Variants in MAD1L1 observed in about 807,000 individuals in gnomAD.
MAD1L1 encodes the protein mitotic spindle assembly checkpoint protein MAD1.
MAD1L1 carries 95 observed loss-of-function variants against 96.9 expected under a neutral mutation model. The observed-to-expected ratio is 0.98, with a 90% CI of 0.83 to 1.16. The LOEUF (loss-of-function observed/expected upper bound fraction) is 1.16, where lower values mean the gene tolerates loss of function less well. Among genes scored for constraint, MAD1L1 ranks in the 50% most tolerant of loss-of-function variants. MAD1L1 has a pLI of 0.00. For synonymous variants in MAD1L1, 473 were observed against 396.6 expected, an observed-to-expected ratio of 1.19 and a Z score of -2.29; for missense variants, 1,007 against 954.4, an observed-to-expected ratio of 1.06 and a Z score of -0.73.
At chr7:1,917,808 G>A (rs542304741) in intron 17 of MAD1L1, among the ~76,000 whole-genome samples, 1 of 152,332 alleles carries the variant, frequency 6.6e-6, no homozygotes, top group African/African-American at 2.4e-5. Flanking sequence ...GCCAGACACA[G>A]CAGGAAGGGT....
chr7:2,197,620 C>T (rs893604797), intron 10 of MAD1L1, among the ~76,000 whole-genome samples: 1 of 152,212 alleles, frequency 6.6e-6, no homozygotes, highest in Non-Finnish European at 1.5e-5. Context: ...CGGTGAGGCA[C>T]TGGCCCTCAG....
intron 18 of MAD1L1, among the ~76,000 whole-genome samples, chr7:1,876,773 C>T (rs1785406521): frequency 6.6e-6 from 1 of 150,488 alleles, no homozygotes; most frequent in Non-Finnish European, 1.5e-5. Context: ...CTCCTACCCC[C>T]AGAAGGTGAT....
At chr7:2,026,044 C>A (rs563427263) in intron 12 of MAD1L1, among the ~76,000 whole-genome samples, 19 of 151,942 alleles carry the variant, frequency 1.3e-4, no homozygotes, top group East Asian at 1.9e-4. Context: ...ATGATTTTTA[C>A]GCTGAATATA....
intron 10 of MAD1L1, among the ~76,000 whole-genome samples, chr7:2,208,792 CT>C (rs1255792165): frequency 1.3e-5 from 2 of 152,164 alleles, no homozygotes; most frequent in Non-Finnish European, 2.9e-5. Context: ...TGCCCGAGGT[CT>C]TGCCGAGGAT....
At chr7:2,199,378 C>T (rs1208809029) in intron 10 of MAD1L1, among the ~76,000 whole-genome samples, 2 of 152,222 alleles carry the variant, frequency 1.3e-5, no homozygotes, top group African/African-American at 4.8e-5. Flanking sequence ...TCATACCTCA[C>T]GTGTCACAGC....
intron 11 of MAD1L1, among the ~76,000 whole-genome samples, chr7:2,077,367 G>A (rs1291104794): frequency 6.6e-6 from 1 of 152,212 alleles, no homozygotes; most frequent in African/African-American, 2.4e-5. Flanking sequence ...TTACAGATGA[G>A]TAAATTCAAG....
chr7:1,933,753 G>C (rs893966969), intron 17 of MAD1L1, among the ~76,000 whole-genome samples: 7 of 152,144 alleles, frequency 4.6e-5, no homozygotes, highest in African/African-American at 1.2e-4. Flanking sequence ...CCCGGGGAGC[G>C]GCAACTGCCC....
intron 18 of MAD1L1, among the ~76,000 whole-genome samples, chr7:1,816,511 C>T (rs1781814386): frequency 1.3e-5 from 2 of 152,188 alleles, no homozygotes; most frequent in South Asian, 2.1e-4. Flanking sequence ...TGCCACCTTG[C>T]TCCTTCCTCC....
intron 17 of MAD1L1, among the ~76,000 whole-genome samples, chr7:1,932,727 G>A (rs757206465): frequency 5.9e-5 from 9 of 152,220 alleles, no homozygotes; most frequent in Admixed American, 1.3e-4. Context: ...AGCCTCTCCC[G>A]GGAGGCAGGG....
intron 9 of MAD1L1, among the ~76,000 whole-genome samples, chr7:2,215,557 G>A (rs1453691443): frequency 6.6e-6 from 1 of 151,986 alleles, no homozygotes; most frequent in Non-Finnish European, 1.5e-5. Context: ...ACATTCCTTG[G>A]CTTGTGGCCC....
At position 2,114,252 on chromosome 7, in the gene MAD1L1, C is replaced by T. The variant is rs1326169774; in HGVS notation, c.1073+34900G>A. Among the ~76,000 whole-genome samples, 1 of 152,308 alleles carries T rather than the reference C, an allele frequency of 6.6e-6. No homozygotes were observed. The highest frequency in any genetic ancestry group is 6.5e-5 in the Admixed American group (1 of 15,302). ...TGAGAAAGACAAAAGGGCAAATGGC[C>T]GGATGGTAATGACTCATCCCAAAGG... On this transcript the variant is annotated intron_variant, in intron 11 of 18. Transcript: ENST00000265854. The surrounding 1 kb of genome is among the most constrained non-coding windows in gnomAD (Gnocchi z 4.2).
intron 11 of MAD1L1, among the ~76,000 whole-genome samples, chr7:2,115,575 G>A (rs1169567257): frequency 2.7e-5 from 4 of 149,146 alleles, no homozygotes; most frequent in Admixed American, 6.7e-5. Context: ...CGTGTGTTCC[G>A]GGATCAGAGG....
chr7:1,878,775 G>A (rs1785522486), intron 18 of MAD1L1, among the ~76,000 whole-genome samples: 1 of 145,212 alleles, frequency 6.9e-6, no homozygotes, highest in Admixed American at 7.0e-5. Context: ...GAAATTCCTA[G>A]CCAGTACTGA....
rs1000943516 is a variant in MAD1L1, at chr7:2,146,350, C to G, written c.1073+2802G>C. On this transcript the variant is annotated intron_variant, in intron 11 of 18. Transcript: ENST00000265854. This position sits in a 1 kb window ranked among gnomAD's most constrained non-coding sequence, Gnocchi z 6.2. The stretch of plus-strand genomic sequence containing the variant: ...GGGCACCGCCTCGAAGAGGGAGCAC[C>G]GGGCACTGGGCTACGAGGAACAGGG... 4.6e-5 allele frequency among the ~76,000 whole-genome samples: 7 copies of G among 150,784 alleles called. No individual in the cohort carries two copies. In the South Asian group the frequency reaches 1.3e-3, roughly 28 times the overall value.
chr7:2,031,624 G>A (rs1289912515), intron 12 of MAD1L1, among the ~76,000 whole-genome samples: 1 of 152,202 alleles, frequency 6.6e-6, no homozygotes, highest in African/African-American at 2.4e-5. Flanking sequence ...CGTGGGTGCC[G>A]TGCACATCTG....
chr7:2,103,146 G>C lies in MAD1L1; in HGVS notation c.1074-33808C>G, dbSNP rs548212671. On this transcript the variant is annotated intron_variant, in intron 11 of 18. Coordinates refer to ENST00000265854, the MANE Select transcript of MAD1L1 (RefSeq NM_001013836.2). This position sits in a 1 kb window ranked among gnomAD's most constrained non-coding sequence, Gnocchi z 4.3. ...GCTTGCTGCTGCCTCTGCCTGGAAC[G>C]GGCTCTCTCCCCTGCCCCTGCACCC... Among the ~76,000 whole-genome samples, 1 of 152,100 alleles carries C rather than the reference G, an allele frequency of 6.6e-6. No individual in the cohort carries two copies. The highest frequency in any genetic ancestry group is 1.5e-5 in the Non-Finnish European group (1 of 68,016).
chr7:2,122,996 G>A (rs546871410), intron 11 of MAD1L1, among the ~76,000 whole-genome samples: 3 of 152,178 alleles, frequency 2.0e-5, no homozygotes, highest in Non-Finnish European at 4.4e-5. Context: ...CCCTTCTGCT[G>A]AGTCTGGCTT....
At chr7:1,942,641 C>T (rs939824891) in intron 16 of MAD1L1, among the ~76,000 whole-genome samples, 1 of 152,138 alleles carries the variant, frequency 6.6e-6, no homozygotes, top group Non-Finnish European at 1.5e-5. Flanking sequence ...GGAAACTAGG[C>T]GGGATCTAGG....
rs905625057 is a variant in MAD1L1 at position 1,870,831 on chromosome 7, A to G, written c.1998+27369T>C. On this transcript the variant is annotated intron_variant, in intron 18 of 18. Transcript: ENST00000265854. Reference sequence around the variant, plus strand: ...CCTGCCACGCTGAACCGACCATAACACCTGCCACGCTGAACCGACCATAAC... The same window carrying G: ...CCTGCCACGCTGAACCGACCATAACGCCTGCCACGCTGAACCGACCATAAC... Among the ~76,000 whole-genome samples, 18 of 68,018 alleles carry G rather than the reference A, an allele frequency of 2.6e-4. 3 individuals are homozygous for G. The highest frequency in any genetic ancestry group is 1.6e-3 in the Admixed American group (11 of 6,820). 44.6% of individuals were successfully genotyped at this position (68,018 alleles called of 152,430 possible).
Sources: allele counts gnomAD v4.1 joint callset (sites outside exome capture counted in the v4.1 genomes callset), GRCh38; gene constraint gnomAD v4.1.1; non-coding constraint Gnocchi (gnomAD v3.1); transcripts MANE v1.5; gene names NCBI Gene and HGNC (gene_info 2026-07-23, HGNC 2026-07-21).